WDR49: variants seen among roughly 807,000 people sequenced by gnomAD.
WDR49 encodes WD repeat domain 49.
A neutral mutation model predicts 119.5 loss-of-function variants in WDR49; 107 were observed. That is an observed-to-expected ratio of 0.90 (90% CI 0.77 to 1.05). The LOEUF is 1.05. Among genes scored for constraint, WDR49 ranks in the 50% least tolerant of loss-of-function variants. WDR49 has a pLI of 0.00. For synonymous variants in WDR49, 425 were observed against 418.8 expected, an observed-to-expected ratio of 1.01 and a Z score of -0.18; for missense variants, 1,240 against 1,220.5, an observed-to-expected ratio of 1.02 and a Z score of -0.24.
rs1262310920 is a variant in WDR49, at chr3:167,604,422, G to T, written c.1005C>A (p.Ser335Arg). ...SLDAIISSTT[S>R]NTNSVVMAWR... The stretch of plus-strand genomic sequence containing the variant: ...AAGCCATCACCACACTATTTGTATT[G>T]CTGGTTGTACTGGAAATGATAGCGT... Residue 335 changes from serine to arginine, a missense_variant, in exon 6 of 19, where the codon AGC becomes AGA. Ser to Arg is a moderately radical substitution (Grantham distance 110). Transcript: ENST00000682715. The T allele has an allele frequency of 6.2e-7, 1 of 1,613,192 alleles. No individual in the cohort carries two copies. The highest frequency in any genetic ancestry group is 1.7e-5 in the Admixed American group (1 of 59,900).
intron 12 of WDR49, 60 bp from the exon 13 acceptor site, chr3:167,531,339 T>C (rs1208033040): frequency 6.3e-6 from 10 of 1,578,406 alleles, no homozygotes; most frequent in Non-Finnish European, 8.6e-6. Flanking sequence ...TTCAAACTAA[T>C]GCCTATGAAA....
intron 10 of WDR49, among the ~76,000 whole-genome samples, chr3:167,538,460 G>C (rs1399715442): frequency 6.6e-6 from 1 of 152,092 alleles, no homozygotes; most frequent in East Asian, 1.9e-4. Flanking sequence ...GTCAATGACA[G>C]TTTCCTAGTT....
intron 16 of WDR49, among the ~76,000 whole-genome samples, chr3:167,510,492 T>G (rs532255767): frequency 6.6e-6 from 1 of 152,250 alleles, no homozygotes; most frequent in East Asian, 1.9e-4. Context: ...TTGCAGACTC[T>G]AGGAAAAGGA....
chr3:167,627,266 A>G lies in WDR49; in HGVS notation c.192T>C (p.Cys64=), dbSNP rs199989518. The stretch of plus-strand genomic sequence containing the variant: ...TCTGCGTGAAGTCTTCTCTGGACAT[A>G]CAAATGATTTTCCTTGGCTGTGGGG... ...FESPQPRKII[C]MSREDFTQKM... The change falls in exon 3 of 19, where the codon TGT becomes TGC. Residue 64 remains cysteine (C), a synonymous_variant. Coordinates refer to ENST00000682715, the MANE Select transcript of WDR49 (RefSeq NM_001366157.1). 6.5e-5 allele frequency: 80 copies of G among 1,237,054 alleles called. No individual in the cohort carries two copies. Among genetic ancestry groups the G allele is most frequent in the Non-Finnish European group, 2.5e-5 (25 of 989,906 alleles). 76.6% of individuals were successfully genotyped at this position (1,237,054 alleles called of 1,614,324 possible). A position where few individuals can be genotyped will look rare whatever the true frequency, so the allele number is the denominator to read the frequency against.
Position 167,653,242 on chromosome 3 carries a change from C to A in WDR49, c.165+19G>T, listed in dbSNP as rs1718473514. On this transcript the variant is annotated intron_variant, in intron 2 of 18. Coordinates refer to ENST00000682715, the MANE Select transcript of WDR49 (RefSeq NM_001366157.1). ...TCATGAACAACTCAAACTATCTGGT[C>A]AATAAGCTTCACACTTACCTCAAAG... is the stretch of plus-strand genomic sequence containing the variant. 1 of 1,535,956 alleles carries A rather than the reference C, an allele frequency of 6.5e-7. No individual in the cohort carries two copies. Among genetic ancestry groups the A allele is most frequent in the South Asian group, 1.2e-5 (1 of 83,996 alleles).
intron 7 of WDR49, among the ~76,000 whole-genome samples, chr3:167,582,326 T>C (rs1219783169): frequency 6.6e-6 from 1 of 152,154 alleles, no homozygotes; most frequent in African/African-American, 2.4e-5. Context: ...TTCTACTGAA[T>C]ACCTTGGCTA....
chr3:167,588,990 T>C (rs527445682), intron 7 of WDR49, among the ~76,000 whole-genome samples: 1 of 152,284 alleles, frequency 6.6e-6, no homozygotes, highest in East Asian at 1.9e-4. Flanking sequence ...GCTTGTGGGG[T>C]ATTGCTCAAG....
intron 16 of WDR49, 118 bp downstream of exon 16, chr3:167,522,197 A>G: frequency 9.7e-7 from 1 of 1,031,102 alleles, no homozygotes. Context: ...CAAATTTTGG[A>G]GAAATCTTGA....
chr3:167,566,102 G>A (rs1272381383), intron 8 of WDR49, among the ~76,000 whole-genome samples: 2 of 152,148 alleles, frequency 1.3e-5, no homozygotes, highest in Non-Finnish European at 2.9e-5. Context: ...AAACAGTTGA[G>A]ACTGTGATGA....
chr3:167,480,092 G>C (rs545136770), intron 18 of WDR49, among the ~76,000 whole-genome samples: 1 of 151,552 alleles, frequency 6.6e-6, no homozygotes, highest in South Asian at 2.1e-4. Context: ...AATAAGCCAG[G>C]CATGGTGGCA....
At chr3:167,560,349 T>G (rs560231820) in intron 8 of WDR49, 121 bp from the exon 9 acceptor site, 11 of 996,704 alleles carry the variant, frequency 1.1e-5, no homozygotes, top group African/African-American at 3.3e-5. Context: ...GTCAGAGACA[T>G]TTTTGTAATG....
intron 7 of WDR49, among the ~76,000 whole-genome samples, chr3:167,592,718 C>T (rs1049666737): frequency 2.0e-5 from 3 of 152,138 alleles, no homozygotes; most frequent in Admixed American, 6.6e-5. Context: ...CAGGCATGAG[C>T]GACTGCTCCT....
intron 2 of WDR49, among the ~76,000 whole-genome samples, chr3:167,646,369 C>T (rs1365893274): frequency 6.6e-6 from 1 of 152,102 alleles, no homozygotes; most frequent in Non-Finnish European, 1.5e-5. Context: ...TCAGTTTGGC[C>T]TCTGGGTTCT....
chr3:167,537,191 T>C (rs1711518779), intron 10 of WDR49, among the ~76,000 whole-genome samples, 191 bp from the exon 11 acceptor site: 2 of 152,186 alleles, frequency 1.3e-5, no homozygotes, highest in South Asian at 4.1e-4. Context: ...AATTATCTGG[T>C]AAATTATAAA....
intron 18 of WDR49, among the ~76,000 whole-genome samples, chr3:167,481,815 G>A (rs1750727239): frequency 6.6e-6 from 1 of 152,124 alleles, no homozygotes; most frequent in Non-Finnish European, 1.5e-5. Flanking sequence ...AGAATAGCAC[G>A]AGAAAGACTG....
At chr3:167,504,028 G>A (rs967874149) in intron 17 of WDR49, among the ~76,000 whole-genome samples, 3 of 152,254 alleles carry the variant, frequency 2.0e-5, no homozygotes, top group Middle Eastern at 3.4e-3. Context: ...AGGTGGAAGC[G>A]GTCACCTTCC....
At position 167,653,244 on chromosome 3, in the gene WDR49, A is replaced by G. The variant is rs1406932639; in HGVS notation, c.165+17T>C. 2.6e-6 allele frequency: 4 copies of G among 1,536,112 alleles called. No individual in the cohort carries two copies. The South Asian group carries it at 4.8e-5, about 18-fold the overall frequency. ...ATGAACAACTCAAACTATCTGGTCA[A>G]TAAGCTTCACACTTACCTCAAAGGC... On this transcript the variant is annotated intron_variant, in intron 2 of 18. Transcript: ENST00000682715.
intron 7 of WDR49, among the ~76,000 whole-genome samples, chr3:167,585,552 T>C (rs1714767656): frequency 6.6e-6 from 1 of 151,880 alleles, no homozygotes; most frequent in African/African-American, 2.4e-5. Flanking sequence ...AATACAGATA[T>C]ATGTATATCT....
intron 16 of WDR49, among the ~76,000 whole-genome samples, chr3:167,519,342 G>A (rs1029322788): frequency 1.3e-5 from 2 of 152,088 alleles, no homozygotes; most frequent in Admixed American, 1.3e-4. Flanking sequence ...GCACACATAC[G>A]TTCATTACAG....
Sources: gnomAD v4.1 joint callset for allele counts (sites outside exome capture counted in the v4.1 genomes callset) on GRCh38, gnomAD v4.1.1 for gene constraint, MANE v1.5 for transcripts, NCBI Gene and HGNC (gene_info 2026-07-23, HGNC 2026-07-21) for gene names.